CELF2: variants seen among roughly 807,000 people sequenced by gnomAD.
The protein encoded by CELF2 is CUGBP Elav-like family member 2, also known as CUG triplet repeat RNA-binding protein 2.
A neutral mutation model predicts 62.6 loss-of-function variants in CELF2; 8 were observed. That is an observed-to-expected ratio of 0.13 (90% CI 0.07 to 0.23). CELF2 has a LOEUF of 0.23. Ranked by LOEUF, CELF2 falls within the 10% of genes least tolerant of loss-of-function variation. The pLI is 1.00. For synonymous variants in CELF2, 258 were observed against 250.0 expected (o/e 1.03, Z -0.30); for missense variants, 333 against 671.0 (o/e 0.50, Z 5.56).
intron 1 of CELF2, among the ~76,000 whole-genome samples, chr10:10,866,507 A>T (rs2060372641): frequency 6.8e-6 from 1 of 148,104 alleles, no homozygotes; most frequent in Non-Finnish European, 1.5e-5. Flanking sequence ...CTGGAGGCTG[A>T]GGGAGCAGAA....
chr10:10,826,839 G>A (rs986635613), intron 1 of CELF2, among the ~76,000 whole-genome samples: 1 of 152,228 alleles, frequency 6.6e-6, no homozygotes, highest in African/African-American at 2.4e-5. Flanking sequence ...GTAATCAAGA[G>A]AAGCAGAATT....
intron 1 of CELF2, among the ~76,000 whole-genome samples, chr10:10,846,555 A>G (rs2059026126): frequency 1.3e-5 from 2 of 152,286 alleles, no homozygotes; most frequent in South Asian, 4.1e-4. Flanking sequence ...TGCTTTTATC[A>G]CCAGGGATAA....
intron 9 of CELF2, among the ~76,000 whole-genome samples, chr10:11,301,786 C>T (rs2093777257): frequency 6.6e-6 from 1 of 151,798 alleles, no homozygotes; most frequent in African/African-American, 2.4e-5. Flanking sequence ...GGCACATAAG[C>T]AGAAGGGAAT....
chr10:10,751,574 G>C, the CELF2 span, among the ~76,000 whole-genome samples: 7 of 152,040 alleles, frequency 4.6e-5, no homozygotes, highest in Admixed American at 3.9e-4. Context: ...AGAACTTCAT[G>C]CTGATGAGGC....
At position 11,039,151 on chromosome 10, in the gene CELF2, G is replaced by A. The variant is rs1358688193; in HGVS notation, c.74+20988G>A. On this transcript the variant is annotated intron_variant, in intron 1 of 12. Coordinates refer to ENST00000633077, the MANE Select transcript of CELF2 (RefSeq NM_001326342.2). This position sits in a 1 kb window ranked among gnomAD's most constrained non-coding sequence, Gnocchi z 4.1. ...GTCCTGTGTCAGCTCTCCTATTAGC[G>A]TGGAGGACACTGAGAGCAGAAACCG... Among the ~76,000 whole-genome samples the A allele has an allele frequency of 2.0e-5, 3 of 152,196 alleles. No individual in the cohort carries two copies. The highest frequency in any genetic ancestry group is 4.4e-5 in the Non-Finnish European group (3 of 68,040).
intron 1 of CELF2, among the ~76,000 whole-genome samples, chr10:11,053,603 C>G (rs936818542): frequency 6.8e-6 from 1 of 147,424 alleles, no homozygotes; most frequent in South Asian, 2.1e-4. Context: ...TAGGCATACT[C>G]TGATATTTCT....
intron 2 of CELF2, among the ~76,000 whole-genome samples, chr10:11,181,836 C>T (rs2073488605): frequency 6.6e-6 from 1 of 152,248 alleles, no homozygotes; most frequent in Admixed American, 6.5e-5. Flanking sequence ...GAATGCAAAG[C>T]ATTCAAGATA....
intron 1 of CELF2, among the ~76,000 whole-genome samples, chr10:10,890,367 C>T (rs759700670): frequency 9.2e-5 from 14 of 152,142 alleles, no homozygotes; most frequent in Admixed American, 4.6e-4. Context: ...GCATGCCCCG[C>T]CCCTCACCAG....
chr10:10,590,246 G>T, the CELF2 span, among the ~76,000 whole-genome samples: 14 of 152,144 alleles, frequency 9.2e-5, no homozygotes, highest in Non-Finnish European at 1.9e-4. Flanking sequence ...AAGTTAATTT[G>T]TTATTTTCTG....
intron 1 of CELF2, among the ~76,000 whole-genome samples, chr10:10,910,699 C>CAAAAA (rs55954207): frequency 6.6e-4 from 61 of 91,856 alleles, no homozygotes; most frequent in East Asian, 1.0e-3. Flanking sequence ...GACTCTGCCT[C>CAAAAA]AAAAAAAAAA....
intron 2 of CELF2, among the ~76,000 whole-genome samples, chr10:11,176,432 A>G (rs1404348989): frequency 6.6e-6 from 1 of 152,136 alleles, no homozygotes; most frequent in African/African-American, 2.4e-5. Context: ...ATGGATCAAA[A>G]TCCCCTTGGC....
At chr10:10,846,631 C>T (rs1254124061) in intron 1 of CELF2, among the ~76,000 whole-genome samples, 3 of 152,148 alleles carry the variant, frequency 2.0e-5, no homozygotes, top group Non-Finnish European at 2.9e-5. Flanking sequence ...CAGCATACCA[C>T]GCAAAGCCAA....
intron 1 of CELF2, among the ~76,000 whole-genome samples, chr10:11,127,101 G>A (rs1204767142): frequency 6.6e-6 from 1 of 151,984 alleles, no homozygotes; most frequent in East Asian, 1.9e-4. Flanking sequence ...CTGTACATGT[G>A]TTCTCATTGT....
chr10:11,255,594 A>G lies in CELF2; in HGVS notation c.404-2144A>G, dbSNP rs1050189114. Among the ~76,000 whole-genome samples the G allele has an allele frequency of 1.3e-5, 2 of 151,800 alleles. No individual in the cohort carries two copies. Among genetic ancestry groups the G allele is most frequent in the African/African-American group, 2.4e-5 (1 of 41,298 alleles). On this transcript the variant is annotated intron_variant, in intron 4 of 12. Coordinates refer to ENST00000633077, the MANE Select transcript of CELF2 (RefSeq NM_001326342.2). This position sits in a 1 kb window ranked among gnomAD's most constrained non-coding sequence, Gnocchi z 5.5. ...AAGTATTGTGGAATCGTGCCTTTCA[A>G]CTTGTATTCCTTGGAGCCCTAGAGT...
intron 5 of CELF2, 22 bp downstream of exon 5, chr10:11,257,894 C>T: frequency 1.9e-6 from 3 of 1,613,348 alleles, no homozygotes; most frequent in Non-Finnish European, 2.5e-6. Context: ...GTCTGGAAAG[C>T]CTCTCCCCTT....
At chr10:10,865,170 T>C (rs891120028) in intron 1 of CELF2, among the ~76,000 whole-genome samples, 4 of 152,220 alleles carry the variant, frequency 2.6e-5, no homozygotes, top group African/African-American at 9.6e-5. Context: ...ACTTTTCTCC[T>C]GCTCTCGTAG....
At chr10:10,731,001 G>T in the CELF2 span, among the ~76,000 whole-genome samples, 1 of 152,158 alleles carries the variant, frequency 6.6e-6, no homozygotes, top group Non-Finnish European at 1.5e-5. Context: ...GGAGAAGATA[G>T]AGTGGCTACG....
At chr10:10,908,578 T>C (rs1380460478) in intron 1 of CELF2, among the ~76,000 whole-genome samples, 2 of 152,146 alleles carry the variant, frequency 1.3e-5, no homozygotes, top group African/African-American at 4.8e-5. Context: ...ATAGGTTCTT[T>C]ATCTTCAGGA....
chr10:10,784,607 C>G, the CELF2 span: 2 of 152,322 alleles, frequency 1.3e-5, no homozygotes, highest in Non-Finnish European at 2.9e-5. Flanking sequence ...AATGTTCAGT[C>G]ACTCCTTCTC....
Sources: gnomAD v4.1 joint callset for allele counts (sites outside exome capture counted in the v4.1 genomes callset) on GRCh38, gnomAD v4.1.1 for gene constraint, Gnocchi (gnomAD v3.1) non-coding constraint, MANE v1.5 for transcripts, NCBI Gene and HGNC (gene_info 2026-07-23, HGNC 2026-07-21) for gene names.